Variants in BBS9 observed in about 807,000 individuals in gnomAD.
BBS9 encodes the protein protein PTHB1.
BBS9 carries 89 observed loss-of-function variants against 117.7 expected under a neutral mutation model. The observed-to-expected ratio is 0.76, with a 90% confidence interval of 0.64 to 0.90. BBS9 has a LOEUF of 0.90. Among genes scored for constraint, BBS9 ranks in the 40% least tolerant of loss-of-function variants. The pLI is 0.00. For missense variants in BBS9, 982 were observed against 1,042.2 expected (o/e 0.94, Z 0.80); for synonymous variants, 379 against 370.9 (o/e 1.02, Z -0.25).
chr7:33,178,429 G>A (rs1442244118), intron 5 of BBS9, among the ~76,000 whole-genome samples: 11 of 152,128 alleles, frequency 7.2e-5, no homozygotes. Flanking sequence ...ATTCACCAAG[G>A]CTTGGTGCTT....
chr7:33,533,755 A>G (rs1850941550), intron 20 of BBS9, 199 bp from the exon 21 acceptor site: 1 of 614,130 alleles, frequency 1.6e-6, no homozygotes, highest in South Asian at 1.9e-5. Context: ...GCTAAGAGGA[A>G]TTAAGTAACT....
chr7:33,459,717 A>C (rs954682030), intron 19 of BBS9, among the ~76,000 whole-genome samples: 10 of 152,084 alleles, frequency 6.6e-5, no homozygotes, highest in Non-Finnish European at 1.2e-4. Flanking sequence ...CCATTTCTCC[A>C]AGGAGCCCTG....
chr7:33,431,742 T>C (rs1177783973), intron 19 of BBS9, among the ~76,000 whole-genome samples: 1 of 152,210 alleles, frequency 6.6e-6, no homozygotes, highest in Non-Finnish European at 1.5e-5. Flanking sequence ...TATTTTGTTT[T>C]TGATGTTTTG....
chr7:33,196,075 G>A (rs186306851), intron 5 of BBS9, among the ~76,000 whole-genome samples: 172 of 152,084 alleles, frequency 1.1e-3, no homozygotes, highest in African/African-American at 4.0e-3. Flanking sequence ...AAGCTTGTAT[G>A]GGATTATATT....
chr7:33,577,406 A>G (rs574215045), intron 21 of BBS9, among the ~76,000 whole-genome samples: 146 of 152,280 alleles, frequency 9.6e-4, no homozygotes, highest in African/African-American at 1.7e-3. Context: ...GAAACAACAG[A>G]TGCTGGAGAG....
intron 7 of BBS9, 120 bp from the exon 8 acceptor site, chr7:33,272,892 A>G: frequency 3.1e-6 from 3 of 968,854 alleles, no homozygotes; most frequent in Admixed American, 3.6e-5. Flanking sequence ...AATGAAAGAG[A>G]TTAGCCCATC....
At chr7:33,385,012 C>T (rs1346048874) in intron 18 of BBS9, among the ~76,000 whole-genome samples, 1 of 152,054 alleles carries the variant, frequency 6.6e-6, no homozygotes. Flanking sequence ...GAATGAGAAT[C>T]TTTGCAATTC....
intron 19 of BBS9, among the ~76,000 whole-genome samples, chr7:33,457,100 G>A (rs1030710244): frequency 1.3e-5 from 2 of 152,166 alleles, no homozygotes; most frequent in African/African-American, 2.4e-5. Flanking sequence ...CTTTGGGAGA[G>A]AGATTAGGGT....
intron 5 of BBS9, among the ~76,000 whole-genome samples, chr7:33,248,434 T>G (rs1347667636): frequency 6.6e-6 from 1 of 152,206 alleles, no homozygotes; most frequent in Non-Finnish European, 1.5e-5. Flanking sequence ...TTCTTTCATC[T>G]AATTACCAAT....
At position 33,272,773 on chromosome 7, in the gene BBS9, T is replaced by C. The variant is rs555830250; in HGVS notation, c.703-239T>C. 5.9e-5 allele frequency among the ~76,000 whole-genome samples: 9 copies of C among 152,242 alleles called. 1 individual carries two copies. In the South Asian group the frequency reaches 1.9e-3, roughly 32 times the overall value. On this transcript the variant is annotated intron_variant, in intron 7 of 22. Transcript: ENST00000242067. ...AAGCAGATAAGTGTTTTAGTGTTCT[T>C]GAATTGCAGAATAGTTAATATCATT... is the stretch of plus-strand genomic sequence containing the variant.
At chr7:33,516,487 CAAAAAAAAAAAAAA>C (rs61006845) in intron 20 of BBS9, among the ~76,000 whole-genome samples, 1 of 51,520 alleles carries the variant, frequency 1.9e-5, no homozygotes, top group Non-Finnish European at 3.5e-5. Context: ...ATTTCATCTC[CAAAAAAAAAAAAAA>C]AAAAAAAAAA....
chr7:33,604,531 T>G (rs1057132024), intron 21 of BBS9, among the ~76,000 whole-genome samples: 4 of 152,190 alleles, frequency 2.6e-5, no homozygotes, highest in African/African-American at 9.6e-5. Flanking sequence ...TTAAAGGGAA[T>G]TCCTGCCGAG....
At chr7:33,199,778 A>G (rs150353953) in intron 5 of BBS9, among the ~76,000 whole-genome samples, 347 of 151,960 alleles carry the variant, frequency 2.3e-3, no homozygotes, top group Non-Finnish European at 3.6e-3. Context: ...GTTTTTAGGC[A>G]ACGAGATCTT....
intron 20 of BBS9, 47 bp from the exon 21 acceptor site, chr7:33,533,902 ACTTTT>A (rs1324903297): frequency 2.5e-6 from 4 of 1,587,996 alleles, no homozygotes; most frequent in East Asian, 4.5e-5. Flanking sequence ...TCAAGTGCCC[ACTTTT>A]CTTATTGTCA....
chr7:33,301,222 T>C (rs1806356496), intron 9 of BBS9, among the ~76,000 whole-genome samples: 1 of 152,054 alleles, frequency 6.6e-6, no homozygotes, highest in Non-Finnish European at 1.5e-5. Flanking sequence ...GATATCTACA[T>C]TAGGGTAAAT....
chr7:33,576,559 T>G (rs1275354709), intron 21 of BBS9, among the ~76,000 whole-genome samples: 1 of 152,128 alleles, frequency 6.6e-6, no homozygotes, highest in Non-Finnish European at 1.5e-5. Flanking sequence ...AAAAACACTT[T>G]AAAGTTCATA....
intron 5 of BBS9, among the ~76,000 whole-genome samples, chr7:33,222,752 A>G (rs1001870010): frequency 1.3e-5 from 2 of 151,864 alleles, no homozygotes; most frequent in African/African-American, 4.8e-5. Flanking sequence ...GTTTGAGACC[A>G]GCCTGCCAAA....
At position 33,437,293 on chromosome 7, in the gene BBS9, G is replaced by A. The variant is rs138070263; in HGVS notation, c.2115+49149G>A. Among the ~76,000 whole-genome samples the A allele has an allele frequency of 3.3e-3, 508 of 152,262 alleles. 6 individuals carry two copies. The highest frequency in any genetic ancestry group is 0.011 in the African/African-American group (462 of 41,554). ...TGGCTCACCCTTTGTGAAAGGCCAC[G>A]CAGCTGACCTCTCTGCTCCCACACC... On this transcript the variant is annotated intron_variant, in intron 19 of 22. Coordinates refer to ENST00000242067, the MANE Select transcript of BBS9 (RefSeq NM_198428.3).
At chr7:33,372,448 C>T (rs954617495) in intron 17 of BBS9, among the ~76,000 whole-genome samples, 10 of 152,030 alleles carry the variant, frequency 6.6e-5, no homozygotes, top group Non-Finnish European at 1.2e-4. Context: ...TATGATGTAT[C>T]ATGCTTATTG....
Sources: allele counts gnomAD v4.1 joint callset (sites outside exome capture counted in the v4.1 genomes callset), GRCh38; gene constraint gnomAD v4.1.1; transcripts MANE v1.5; gene names NCBI Gene and HGNC (gene_info 2026-07-23, HGNC 2026-07-21).